ADGRE3: variants seen among roughly 807,000 people sequenced by gnomAD.
ADGRE3 encodes EGF-like module receptor 3.
ADGRE3 carries 88 observed loss-of-function variants against 80.1 expected under a neutral mutation model. That is an observed-to-expected ratio of 1.10 (90% CI 0.93 to 1.31). ADGRE3 has a LOEUF of 1.31. Among genes scored for constraint, ADGRE3 ranks in the 40% most tolerant of loss-of-function variants. ADGRE3 has a pLI of 0.00. For synonymous variants in ADGRE3, 281 were observed against 294.8 expected (o/e 0.95, Z 0.48); for missense variants, 715 against 776.5 (o/e 0.92, Z 0.94).
intron 13 of ADGRE3, among the ~76,000 whole-genome samples, chr19:14,631,593 A>C (rs571305391): frequency 6.6e-6 from 1 of 151,606 alleles, no homozygotes; most frequent in African/African-American, 2.4e-5. Flanking sequence ...AAAAATATAC[A>C]TTGTGTTATA....
At chr19:14,615,110 T>A (rs151239331), downstream of ADGRE3, among the ~76,000 whole-genome samples, 51 of 151,830 alleles carry the variant, frequency 3.4e-4, 1 homozygote, top group East Asian at 9.1e-3. Context: ...TCACGGCTTG[T>A]CCATTGTCAT....
the ADGRE3 span, among the ~76,000 whole-genome samples, chr19:14,606,217 T>C: frequency 6.6e-6 from 1 of 152,024 alleles, no homozygotes; most frequent in Non-Finnish European, 1.5e-5. Context: ...AATGTTATAA[T>C]GCTACCTACT....
intron 9 of ADGRE3, among the ~76,000 whole-genome samples, chr19:14,642,415 C>T (rs537243694): frequency 2.0e-5 from 3 of 152,088 alleles, no homozygotes; most frequent in Non-Finnish European, 4.4e-5. Context: ...TCAGAGAGCT[C>T]ATACTAATGA....
At position 14,665,978 on chromosome 19, in the gene ADGRE3, A is replaced by ATATATATG. The variant is rs1568500899; in HGVS notation, c.77-2439_77-2438insCATATATA. On this transcript the variant is annotated intron_variant, in intron 2 of 15. Transcript: ENST00000253673. ...TATATATATATATATATATATATATAGTGTTTTCTTTATCCACGTGTTGAT... is the reference window on the plus strand; with the variant it reads ...TATATATATATATATATATATATATATATATATGGTGTTTTCTTTATCCACGTGTTGAT... Among the ~76,000 whole-genome samples the ATATATATG allele has an allele frequency of 1.2e-4, 15 of 128,248 alleles. 1 individual carries two copies. The highest frequency in any genetic ancestry group is 4.1e-4 in the African/African-American group (14 of 34,436). The allele number at this position is 128,248 out of a possible 152,430, so 84.1% of individuals were successfully genotyped here.
chr19:14,630,726 T>C (rs564035694), intron 13 of ADGRE3, among the ~76,000 whole-genome samples: 73 of 152,054 alleles, frequency 4.8e-4, no homozygotes, highest in Non-Finnish European at 9.0e-4. Flanking sequence ...AGTTCCCTTA[T>C]CTTAATAATT....
At chr19:14,638,397 G>A in intron 10 of ADGRE3, 57 bp from the exon 11 acceptor site, 2 of 1,337,920 alleles carry the variant, frequency 1.5e-6, no homozygotes, top group African/African-American at 1.4e-5. Flanking sequence ...ATGGCCCTAG[G>A]ACCTCTCCTT....
At chr19:14,618,036 A>G (rs2075092439), downstream of ADGRE3, among the ~76,000 whole-genome samples, 1 of 152,048 alleles carries the variant, frequency 6.6e-6, no homozygotes, top group Non-Finnish European at 1.5e-5. Context: ...TATTTTTTGC[A>G]AAATAAACTT....
At chr19:14,653,956 T>G (rs111993357) in intron 6 of ADGRE3, among the ~76,000 whole-genome samples, 50,406 of 150,248 alleles carry the variant, frequency 0.34, 9,014 homozygotes, top group African/African-American at 0.46. Context: ...TTTTTTTTTT[T>G]TTTTTTTTTA....
the ADGRE3 span, among the ~76,000 whole-genome samples, chr19:14,612,327 A>G: frequency 1.3e-5 from 2 of 151,356 alleles, no homozygotes; most frequent in Non-Finnish European, 2.9e-5. Flanking sequence ...CTGGGTCCTA[A>G]TCTCCTCCTC....
chr19:14,617,377 C>CTTTCTTTCTTTCTTTCTTCCTTT (rs1491527496), downstream of ADGRE3, among the ~76,000 whole-genome samples: 40 of 86,352 alleles, frequency 4.6e-4, no homozygotes, highest in Non-Finnish European at 7.0e-4. Context: ...TTTCTTTCTT[C>CTTTCTTTCTTTCTTTCTTCCTTT]CTTTCTTTCT....
At chr19:14,611,371 CTTTTTTTTTTT>C in the ADGRE3 span, among the ~76,000 whole-genome samples, 2 of 75,972 alleles carry the variant, frequency 2.6e-5, no homozygotes, top group South Asian at 4.7e-4. Context: ...AACTTCTATC[CTTTTTTTTTTT>C]TTTTTTTTTT....
At chr19:14,665,970 A>ATATATATATATATATATG (rs1568500876) in intron 2 of ADGRE3, among the ~76,000 whole-genome samples, 1 of 130,126 alleles carries the variant, frequency 7.7e-6, no homozygotes, top group African/African-American at 2.8e-5. Flanking sequence ...ATATATATAT[A>ATATATATATATATATATG]TATATATAGT....
intron 6 of ADGRE3, among the ~76,000 whole-genome samples, chr19:14,653,044 T>A (rs11085902): frequency 0.76 from 115,775 of 151,642 alleles, 44,334 homozygotes; most frequent in South Asian, 0.88. Flanking sequence ...GTGCAGTGGC[T>A]TGCTCTCAGC....
At chr19:14,600,158 C>T in the ADGRE3 span, 6 of 1,613,904 alleles carry the variant, frequency 3.7e-6, no homozygotes, top group African/African-American at 1.3e-5. Context: ...CTCACTTGGT[C>T]ATCATCAATA....
intron 1 of ADGRE3, 100 bp downstream of exon 1, chr19:14,674,646 G>C (rs1972345116): frequency 1.6e-6 from 2 of 1,235,566 alleles, no homozygotes; most frequent in Non-Finnish European, 2.3e-6. Flanking sequence ...AGAGTGTTCA[G>C]AGCAGAAGAA....
chr19:14,632,323 CTG>C (rs1190011908), intron 13 of ADGRE3, among the ~76,000 whole-genome samples: 2 of 152,090 alleles, frequency 1.3e-5, no homozygotes, highest in African/African-American at 4.8e-5. Context: ...AAATATACTC[CTG>C]TGTGTATCTT....
chr19:14,610,433 G>A, the ADGRE3 span: 54 of 545,502 alleles, frequency 9.9e-5, no homozygotes, highest in South Asian at 4.3e-5. Context: ...CTTGGTGGTG[G>A]GAGGTCTCCC....
At chr19:14,638,593 T>A (rs1397274595) in intron 10 of ADGRE3, among the ~76,000 whole-genome samples, 1 of 151,926 alleles carries the variant, frequency 6.6e-6, no homozygotes, top group African/African-American at 2.4e-5. Context: ...CAATTATATT[T>A]AAAAAAATAG....
rs1193844320 is a variant in ADGRE3 at position 14,644,114 on chromosome 19, G to T, written c.1044C>A (p.Thr348=). ...TAAAACATATACATCATACCTGGCT[G>T]GTCAGGGCCATCAGGACAGCGAAGC... ...LSSFAVLMAL[T]SQEEDPVLTV... The change falls in exon 9 of 16, where the codon ACC becomes ACA. Residue 348 remains threonine, a synonymous_variant. Transcript: ENST00000253673. The T allele has an allele frequency of 1.3e-6, 2 of 1,536,482 alleles. No homozygotes were observed. Among genetic ancestry groups the T allele is most frequent in the Admixed American group, 2.1e-5 (1 of 48,268 alleles).
Sources: allele counts gnomAD v4.1 joint callset (sites outside exome capture counted in the v4.1 genomes callset), GRCh38; gene constraint gnomAD v4.1.1; transcripts MANE v1.5; gene names NCBI Gene and HGNC (gene_info 2026-07-23, HGNC 2026-07-21).